Variants in AFF3 observed in about 807,000 individuals in gnomAD.
AFF3 encodes ALF transcription elongation factor 3.
AFF3 carries 32 observed loss-of-function variants against 129.7 expected under a neutral mutation model. The observed-to-expected ratio is 0.25, with a 90% CI of 0.19 to 0.33. The LOEUF is 0.33. AFF3 is among the 10% of genes least tolerant of loss of function. AFF3 has a pLI of 1.00. For synonymous variants in AFF3, 644 were observed against 635.4 expected, an observed-to-expected ratio of 1.01 and a Z score of -0.20; for missense variants, 1,373 against 1,592.0, an observed-to-expected ratio of 0.86 and a Z score of 2.34.
At chr2:99,792,016 T>C (rs1030548666) in intron 8 of AFF3, among the ~76,000 whole-genome samples, 1 of 152,102 alleles carries the variant, frequency 6.6e-6, no homozygotes, top group Non-Finnish European at 1.5e-5. Flanking sequence ...ATCAACAATA[T>C]ATGTTAAATA....
rs185607705 is a variant in AFF3 at position 99,622,468 on chromosome 2, T to C, written c.1185-20847A>G. Among the ~76,000 whole-genome samples the C allele has an allele frequency of 3.3e-3, 493 of 151,282 alleles. 2 individuals carry two copies. Among genetic ancestry groups the C allele is most frequent in the Non-Finnish European group, 5.9e-3 (402 of 67,778 alleles). ...AAAGAGAGAGAAGGCAGAGAGGGAGTGGTAAGAAAAAGAAGGGGGAATGAA... is the reference window on the plus strand; with the variant it reads ...AAAGAGAGAGAAGGCAGAGAGGGAGCGGTAAGAAAAAGAAGGGGGAATGAA... On this transcript the variant is annotated intron_variant, in intron 13 of 24. Coordinates refer to ENST00000672756, the MANE Select transcript of AFF3 (RefSeq NM_001386135.1).
chr2:99,630,190 C>T (rs1251270286), intron 13 of AFF3, among the ~76,000 whole-genome samples: 1 of 152,170 alleles, frequency 6.6e-6, no homozygotes, highest in Non-Finnish European at 1.5e-5. Context: ...CATCGGAAAG[C>T]TCATGGCCAG....
chr2:99,854,472 T>C (rs1690378593), intron 7 of AFF3, among the ~76,000 whole-genome samples: 1 of 152,126 alleles, frequency 6.6e-6, no homozygotes, highest in Admixed American at 6.6e-5. Context: ...AAGTTATAAA[T>C]AAAACAAAGC....
At chr2:99,867,665 C>A (rs79290818) in intron 7 of AFF3, among the ~76,000 whole-genome samples, 1 of 151,730 alleles carries the variant, frequency 6.6e-6, no homozygotes, top group Non-Finnish European at 1.5e-5. Flanking sequence ...TGCAGGTGTT[C>A]GGAATGTTCC....
At chr2:99,754,364 A>C (rs1055229309) in intron 8 of AFF3, among the ~76,000 whole-genome samples, 1 of 152,170 alleles carries the variant, frequency 6.6e-6, no homozygotes, top group African/African-American at 2.4e-5. Flanking sequence ...CACAATTTAC[A>C]TTGTCTGATC....
chr2:99,765,160 G>T (rs1575912287), intron 8 of AFF3, among the ~76,000 whole-genome samples: 1 of 152,194 alleles, frequency 6.6e-6, no homozygotes, highest in African/African-American at 2.4e-5. Context: ...CAAACACCCA[G>T]AAGTGAGCCT....
intron 10 of AFF3, among the ~76,000 whole-genome samples, chr2:99,742,770 T>C (rs565031324): frequency 2.0e-5 from 3 of 152,230 alleles, no homozygotes; most frequent in South Asian, 4.1e-4. Context: ...ACTGAGATCA[T>C]GCAGCTCATG....
chr2:100,071,719 A>G (rs570978720), intron 4 of AFF3, among the ~76,000 whole-genome samples: 25 of 152,158 alleles, frequency 1.6e-4, no homozygotes, highest in Non-Finnish European at 3.4e-4. Context: ...TTCTTCGAGC[A>G]AAACCGTAAA....
chr2:100,103,863 C>G (rs1322026228), intron 4 of AFF3, among the ~76,000 whole-genome samples: 2 of 151,834 alleles, frequency 1.3e-5, no homozygotes, highest in East Asian at 3.9e-4. Flanking sequence ...TCGTTTCCTG[C>G]CCTGGATGTT....
At chr2:99,849,437 G>A (rs1333734449) in intron 7 of AFF3, among the ~76,000 whole-genome samples, 1 of 152,082 alleles carries the variant, frequency 6.6e-6, no homozygotes, top group Non-Finnish European at 1.5e-5. Context: ...CAGGAACATG[G>A]ACCTTTGCAA....
At position 99,593,702 on chromosome 2, in the gene AFF3, C is replaced by T; in HGVS notation, c.1959G>A (p.Arg653=). 6.2e-7 allele frequency: 1 copy of T among 1,609,448 alleles called. No homozygotes were observed. The highest frequency in any genetic ancestry group is 1.1e-5 in the South Asian group (1 of 90,888). Residue 653 remains arginine (R), a synonymous_variant, in exon 15 of 25, where the codon CGG becomes CGA. Coordinates refer to ENST00000672756, the MANE Select transcript of AFF3 (RefSeq NM_001386135.1). ...SSVTCEKRRT[R]GLSRIVPKSK... ...ATTTGGGGACGATCCTGCTTAGCCC[C>T]CGCGTGCGGCGCTTCTCGCAGGTCA...
In AFF3 at chr2:100,099,539, G is replaced by A. The variant is rs912591425; in HGVS notation, c.53+4863C>T. Reference sequence around the variant, plus strand: ...TTTCTATTCACAGTCTTCCCACCACGTGGTTTTCCTCCTTTCCATTTCCTC... The same window carrying A: ...TTTCTATTCACAGTCTTCCCACCACATGGTTTTCCTCCTTTCCATTTCCTC... On this transcript the variant is annotated intron_variant, in intron 4 of 24. Transcript: ENST00000672756. 3.3e-5 allele frequency among the ~76,000 whole-genome samples: 5 copies of A among 151,776 alleles called. 1 individual carries two copies. Among genetic ancestry groups the A allele is most frequent in the Non-Finnish European group, 4.4e-5 (3 of 67,968 alleles).
rs540780826 is a variant in AFF3, at chr2:100,140,544, A to G, written c.-228+1940T>C. ...CTCTGCACTCTTAGGCTACCTACCAATCTCTCCTCTAAAATAAGCATAATT... is the reference window on the plus strand; with the variant it reads ...CTCTGCACTCTTAGGCTACCTACCAGTCTCTCCTCTAAAATAAGCATAATT... On this transcript the variant is annotated intron_variant, in intron 1 of 24. Transcript: ENST00000672756. 2.0e-5 allele frequency among the ~76,000 whole-genome samples: 3 copies of G among 152,198 alleles called. No homozygotes were observed. The South Asian group carries it at 6.2e-4, about 32-fold the overall frequency.
chr2:100,081,340 CT>C (rs1263901255), intron 4 of AFF3, among the ~76,000 whole-genome samples: 1 of 151,744 alleles, frequency 6.6e-6, no homozygotes, highest in East Asian at 1.9e-4. Flanking sequence ...CAAGTCAATT[CT>C]TTCTAAAAGC....
intron 13 of AFF3, among the ~76,000 whole-genome samples, chr2:99,614,410 G>A (rs989152021): frequency 6.6e-6 from 1 of 152,160 alleles, no homozygotes; most frequent in Non-Finnish European, 1.5e-5. Flanking sequence ...CAGCCCATTA[G>A]GCATTTACAC....
At chr2:100,127,226 C>T (rs76923699) in intron 2 of AFF3, among the ~76,000 whole-genome samples, 3,837 of 152,246 alleles carry the variant, frequency 0.025, 155 homozygotes, top group African/African-American at 0.087. Context: ...TCCAGGATTA[C>T]GGACTGCATT....
At chr2:99,787,413 C>T (rs546600796) in intron 8 of AFF3, among the ~76,000 whole-genome samples, 2 of 152,240 alleles carry the variant, frequency 1.3e-5, no homozygotes, top group South Asian at 4.2e-4. Context: ...GCGCCGCCAC[C>T]CCTGCAGTGT....
chr2:99,643,857 T>C (rs1684444282), intron 13 of AFF3, among the ~76,000 whole-genome samples: 1 of 152,224 alleles, frequency 6.6e-6, no homozygotes, highest in Non-Finnish European at 1.5e-5. Context: ...TTTACTTAAT[T>C]TCATTATATA....
chr2:99,798,060 A>AT (rs1363188148), intron 8 of AFF3, among the ~76,000 whole-genome samples: 8 of 152,124 alleles, frequency 5.3e-5, no homozygotes, highest in Admixed American at 1.3e-4. Context: ...GAAAAAAATT[A>AT]TATTTTTGGA....
Sources: gnomAD v4.1 joint callset for allele counts (sites outside exome capture counted in the v4.1 genomes callset) on GRCh38, gnomAD v4.1.1 for gene constraint, MANE v1.5 for transcripts, NCBI Gene and HGNC (gene_info 2026-07-23, HGNC 2026-07-21) for gene names.